HACD3: variants seen among roughly 807,000 people sequenced by gnomAD.
The protein encoded by HACD3 is 3-hydroxyacyl-CoA dehydratase 3.
A neutral mutation model predicts 55.2 loss-of-function variants in HACD3; 30 were observed. That is an observed-to-expected ratio of 0.54 (90% CI 0.41 to 0.74). The LOEUF is 0.74. Among genes scored for constraint, HACD3 ranks in the 30% least tolerant of loss-of-function variants. The probability of loss-of-function intolerance (pLI) is 0.00; values close to 1 mark genes in which losing one functional copy is unlikely to be tolerated. For missense variants in HACD3, 363 were observed against 440.1 expected (o/e 0.82, Z 1.57); for synonymous variants, 141 against 151.7 (o/e 0.93, Z 0.52).
rs2072045963 is a variant in HACD3 at position 65,543,859 on chromosome 15, T to C, written c.88-7817T>C. Among the ~76,000 whole-genome samples, 3 of 152,150 alleles carry C rather than the reference T, an allele frequency of 2.0e-5. No homozygotes were observed. The South Asian group carries it at 6.2e-4, about 32-fold the overall frequency. On this transcript the variant is annotated intron_variant, in intron 1 of 10. Coordinates refer to ENST00000261875, the MANE Select transcript of HACD3 (RefSeq NM_016395.4). ...ACAAGAGTAATAATGGTAATGGAATTTGGCTGAGTGGATCACAAAAGAAAA... is the reference window on the plus strand; with the variant it reads ...ACAAGAGTAATAATGGTAATGGAATCTGGCTGAGTGGATCACAAAAGAAAA...
At chr15:65,551,943 G>GA in intron 2 of HACD3, 3 of 416,514 alleles carry the variant, frequency 7.2e-6, no homozygotes, top group South Asian at 4.7e-5. Context: ...ATACAGTGAA[G>GA]GAAAAAAAAA....
At chr15:65,535,469 T>C (rs2071944974) in intron 1 of HACD3, among the ~76,000 whole-genome samples, 1 of 152,264 alleles carries the variant, frequency 6.6e-6, no homozygotes, top group Non-Finnish European at 1.5e-5. Context: ...CAGGCACATG[T>C]ACAGGCATAC....
Position 65,564,321 on chromosome 15 carries a change from G to T in HACD3, c.639G>T (p.Pro213=). ...CAGCAATTGGAGTCACTACGTCACC[G>T]GTGCTGCCTTCTCTGATCCAGGTAT... ...INAAIGVTTS[P]VLPSLIQLLG... The change falls in exon 7 of 11, where the codon CCG becomes CCT. Residue 213 remains proline (P), a synonymous_variant. Transcript: ENST00000261875. 1.2e-6 allele frequency: 2 copies of T among 1,613,318 alleles called. No individual in the cohort carries two copies. The highest frequency in any genetic ancestry group is 1.7e-6 in the Non-Finnish European group (2 of 1,179,656).
intron 1 of HACD3, among the ~76,000 whole-genome samples, chr15:65,543,437 C>T (rs1163458293): frequency 6.6e-6 from 1 of 151,908 alleles, no homozygotes; most frequent in Non-Finnish European, 1.5e-5. Flanking sequence ...TATTGATATT[C>T]TAATTCTGAA....
At chr15:65,555,609 G>T (rs996362505) in intron 3 of HACD3, among the ~76,000 whole-genome samples, 2 of 152,198 alleles carry the variant, frequency 1.3e-5, no homozygotes, top group East Asian at 3.9e-4. Flanking sequence ...GAGAAAGCAT[G>T]AATAATAACC....
chr15:65,564,121 C>G lies in HACD3; in HGVS notation c.533-94C>G, dbSNP rs11637917. The G allele has an allele frequency of 0.057, 80,715 of 1,416,366 alleles. 2,744 individuals are homozygous for G. The highest frequency in any genetic ancestry group is 0.069 in the Non-Finnish European group (70,060 of 1,016,290). The allele number at this position is 1,416,366 out of a possible 1,614,324, so 87.7% of individuals were successfully genotyped here. On this transcript the variant is annotated intron_variant, in intron 6 of 10. Coordinates refer to ENST00000261875, the MANE Select transcript of HACD3 (RefSeq NM_016395.4). ...CTGGATGTTTGTTATTCCTTTCTTACAGTTATTTTCACGAAAGGAGTAATC... is the reference window on the plus strand; with the variant it reads ...CTGGATGTTTGTTATTCCTTTCTTAGAGTTATTTTCACGAAAGGAGTAATC...
chr15:65,549,526 G>A (rs1309051086), intron 1 of HACD3, among the ~76,000 whole-genome samples: 2 of 150,756 alleles, frequency 1.3e-5, no homozygotes, highest in African/African-American at 4.9e-5. Context: ...CTTGAGCCTG[G>A]GAGGTGGAGG....
In HACD3 at chr15:65,562,838, C is replaced by G. The variant is rs745578961; in HGVS notation, c.486C>G (p.Ser162=). Reference sequence around the variant, plus strand: ...ATCTTGTGCAATTCTTGGGATTCTCCTGGATCTTTGTCAACCTGACTGTGC... The same window carrying G: ...ATCTTGTGCAATTCTTGGGATTCTCGTGGATCTTTGTCAACCTGACTGTGC... ...MYNLVQFLGF[S]WIFVNLTVRF... is the part of the protein sequence containing the mutation. The change falls in exon 6 of 11, where the codon TCC becomes TCG. Residue 162 remains serine (S), a synonymous_variant. Transcript: ENST00000261875. 2.5e-6 allele frequency: 4 copies of G among 1,613,800 alleles called. No homozygotes were observed. In the Admixed American group the frequency reaches 6.7e-5, roughly 27 times the overall value.
chr15:65,572,957 A>T lies in HACD3; in HGVS notation c.1012+591A>T, dbSNP rs1203764272. ...AAATAAATAAATAAAAATTAAAAAA[A>T]AAAAAGTAAGGAGCCTTTTAAAATA... On this transcript the variant is annotated intron_variant, in intron 10 of 10. Coordinates refer to ENST00000261875, the MANE Select transcript of HACD3 (RefSeq NM_016395.4). Among the ~76,000 whole-genome samples the T allele has an allele frequency of 2.7e-5, 4 of 150,394 alleles. No individual in the cohort carries two copies. In the East Asian group the frequency reaches 7.7e-4, roughly 29 times the overall value.
intron 10 of HACD3, chr15:65,574,142 C>A (rs2072378260): frequency 6.6e-6 from 1 of 152,174 alleles, no homozygotes; most frequent in Non-Finnish European, 1.5e-5. Context: ...GTTATTATCT[C>A]ACATAGTTCC....
rs189002472 is a variant in HACD3, at chr15:65,577,336, G to C, written c.*957G>C. On this transcript the variant is annotated 3_prime_UTR_variant, in exon 11 of 11. Coordinates refer to ENST00000261875, the MANE Select transcript of HACD3 (RefSeq NM_016395.4). ...AGCTACTCAAGAAGCTGAGATGGGAGGATCCTGAGCTCAGGAGGTCAAGGC... is the reference window on the plus strand; with the variant it reads ...AGCTACTCAAGAAGCTGAGATGGGACGATCCTGAGCTCAGGAGGTCAAGGC... The C allele has an allele frequency of 6.6e-6, 1 of 152,338 alleles. No homozygotes were observed. The highest frequency in any genetic ancestry group is 1.5e-5 in the Non-Finnish European group (1 of 68,114). 9.4% of individuals were successfully genotyped at this position (152,338 alleles called of 1,614,324 possible).
intron 7 of HACD3, among the ~76,000 whole-genome samples, chr15:65,569,020 G>A (rs918479675): frequency 2.7e-5 from 4 of 150,650 alleles, no homozygotes; most frequent in African/African-American, 9.8e-5. Context: ...GGCCGAGGCG[G>A]GTGGATCACA....
Position 65,562,810 on chromosome 15 carries a change from A to G in HACD3, c.458A>G (p.Tyr153Cys). The G allele has an allele frequency of 6.2e-7, 1 of 1,613,932 alleles. No homozygotes were observed. The highest frequency in any genetic ancestry group is 8.5e-7 in the Non-Finnish European group (1 of 1,179,880). ...TTAAGGAAAGGATACCTGTTTATGT[A>G]TAATCTTGTGCAATTCTTGGGATTC... ...TNLRKGYLFM[Y>C]NLVQFLGFSW... Residue 153 changes from tyrosine (Y) to cysteine (C), a missense_variant, in exon 6 of 11, where the codon TAT (tyrosine) becomes TGT (cysteine). Coordinates refer to ENST00000261875, the MANE Select transcript of HACD3 (RefSeq NM_016395.4).
At chr15:65,536,297 C>T (rs2071954461) in intron 1 of HACD3, among the ~76,000 whole-genome samples, 1 of 152,124 alleles carries the variant, frequency 6.6e-6, no homozygotes, top group African/African-American at 2.4e-5. Context: ...TGTGCCCAGC[C>T]ACCATTGTGA....
chr15:65,532,936 G>C lies in HACD3; in HGVS notation c.87+2218G>C, dbSNP rs562684544. On this transcript the variant is annotated intron_variant, in intron 1 of 10. Coordinates refer to ENST00000261875, the MANE Select transcript of HACD3 (RefSeq NM_016395.4). The stretch of plus-strand genomic sequence containing the variant: ...TACAAACAAAAAGTTTTGTGTAGGA[G>C]TATGTTTATTGGTAGAATTGGAGTT... Among the ~76,000 whole-genome samples, 3 of 152,180 alleles carry C rather than the reference G, an allele frequency of 2.0e-5. No individual in the cohort carries two copies. The South Asian group carries it at 6.2e-4, about 32-fold the overall frequency.
At chr15:65,543,840 G>A (rs577322591) in intron 1 of HACD3, among the ~76,000 whole-genome samples, 104 of 152,296 alleles carry the variant, frequency 6.8e-4, no homozygotes, top group African/African-American at 2.5e-3. Flanking sequence ...ATCAACAAGA[G>A]TAATAATGGT....
rs10645266 is a variant in HACD3, at chr15:65,577,458, TAC to T, written c.*1094_*1095del. ...CAAACCACACACACACAAACACACA[TAC>T]ACACACACACACACGAGGTCCAAAT... is the stretch of plus-strand genomic sequence containing the variant. On this transcript the variant is annotated 3_prime_UTR_variant, in exon 11 of 11. Transcript: ENST00000261875. 5.6e-3 allele frequency: 846 copies of T among 150,352 alleles called. 8 individuals carry two copies. Among genetic ancestry groups the T allele is most frequent in the Middle Eastern group, 0.014 (4 of 292 alleles). 9.3% of individuals were successfully genotyped at this position (150,352 alleles called of 1,614,324 possible).
At chr15:65,557,030 G>T in intron 4 of HACD3, 127 bp downstream of exon 4, 2 of 932,042 alleles carry the variant, frequency 2.1e-6, no homozygotes, top group South Asian at 1.9e-5. Context: ...TTAAAGACCT[G>T]GTGATGTGAT....
chr15:65,563,841 G>A (rs1439310788), intron 6 of HACD3, among the ~76,000 whole-genome samples: 6 of 152,046 alleles, frequency 3.9e-5, no homozygotes, highest in South Asian at 2.1e-4. Flanking sequence ...ATGGTGGTGC[G>A]TGCCTGTAGT....
Sources: allele counts gnomAD v4.1 joint callset (sites outside exome capture counted in the v4.1 genomes callset), GRCh38; gene constraint gnomAD v4.1.1; transcripts MANE v1.5; gene names NCBI Gene and HGNC (gene_info 2026-07-23, HGNC 2026-07-21).